Variants in C9 observed in about 807,000 individuals in gnomAD.
C9 encodes complement C9, also known as complement component C9.
A neutral mutation model predicts 65.4 loss-of-function variants in C9; 63 were observed. The ratio of observed to expected loss-of-function variants is 0.96; its 90% CI spans 0.79 to 1.19. The LOEUF (loss-of-function observed/expected upper bound fraction) is 1.19, where lower values mean the gene tolerates loss of function less well. C9 is among the 50% of genes most tolerant of loss of function. The probability of loss-of-function intolerance (pLI) is 0.00; values close to 1 mark genes in which losing one functional copy is unlikely to be tolerated. For missense variants in C9, 744 were observed against 670.1 expected (o/e 1.11, Z -1.22); for synonymous variants, 229 against 227.9 (o/e 1.00, Z -0.04).
At chr5:39,357,782 T>C (rs1005162482) in intron 1 of C9, among the ~76,000 whole-genome samples, 2 of 152,186 alleles carry the variant, frequency 1.3e-5, no homozygotes, top group Non-Finnish European at 2.9e-5. Flanking sequence ...TTATGTGTGC[T>C]TCTATTGAAG....
intron 1 of C9, among the ~76,000 whole-genome samples, chr5:39,359,713 C>T (rs1030449212): frequency 2.6e-5 from 4 of 152,196 alleles, no homozygotes; most frequent in African/African-American, 9.7e-5. Flanking sequence ...ACTGGTGAAG[C>T]TTCACAGGAG....
intron 5 of C9, among the ~76,000 whole-genome samples, chr5:39,328,071 A>G (rs1753782134): frequency 6.6e-6 from 1 of 152,186 alleles, no homozygotes; most frequent in African/African-American, 2.4e-5. Context: ...GGAAGGAAAA[A>G]GAGGGAAAGG....
At chr5:39,317,418 A>G (rs940924888) in intron 5 of C9, among the ~76,000 whole-genome samples, 2 of 152,158 alleles carry the variant, frequency 1.3e-5, no homozygotes, top group Non-Finnish European at 2.9e-5. Flanking sequence ...ATCTTTGCCC[A>G]TGCCTGTGTC....
At chr5:39,316,095 A>G in intron 5 of C9, 66 bp from the exon 6 acceptor site, 1 of 1,325,994 alleles carries the variant, frequency 7.5e-7, no homozygotes, top group Non-Finnish European at 1.1e-6. Context: ...CAAGCAGAAC[A>G]GAACCAAAGA....
At chr5:39,297,796 G>C (rs1753211550) in intron 9 of C9, among the ~76,000 whole-genome samples, 1 of 151,618 alleles carries the variant, frequency 6.6e-6, no homozygotes, top group Admixed American at 6.6e-5. Flanking sequence ...AATTGAAAGA[G>C]TAAGGGCACA....
chr5:39,296,058 C>T (rs1753179915), intron 9 of C9, among the ~76,000 whole-genome samples: 1 of 151,610 alleles, frequency 6.6e-6, no homozygotes, highest in Non-Finnish European at 1.5e-5. Flanking sequence ...TATTGTAAGA[C>T]CTAAAACTAT....
intron 1 of C9, among the ~76,000 whole-genome samples, chr5:39,351,947 T>C (rs1385049698): frequency 1.3e-5 from 2 of 152,200 alleles, no homozygotes; most frequent in Non-Finnish European, 2.9e-5. Flanking sequence ...ATTAGTCTGT[T>C]CTCACATGGC....
intron 5 of C9, 82 bp from the exon 6 acceptor site, chr5:39,316,111 C>A: frequency 8.3e-7 from 1 of 1,203,912 alleles, no homozygotes; most frequent in South Asian, 1.4e-5. Flanking sequence ...AAAGAGAAGT[C>A]AAACAATTCT....
Position 39,359,048 on chromosome 5 carries a change from G to A in C9, c.77+5340C>T, listed in dbSNP as rs835700. On this transcript the variant is annotated intron_variant, in intron 1 of 10. Transcript: ENST00000263408. ...TATATATATATATATGTGTGTGTGT[G>A]TATATATATGTGTATATATATATGT... 3.5e-3 allele frequency among the ~76,000 whole-genome samples: 488 copies of A among 140,268 alleles called. 4 individuals carry two copies. Among genetic ancestry groups the A allele is most frequent in the African/African-American group, 0.012 (466 of 37,880 alleles). The allele number at this position is 140,268 out of a possible 152,430, so 92.0% of individuals were successfully genotyped here. A position where few individuals can be genotyped will look rare whatever the true frequency, so the allele number is the denominator to read the frequency against.
rs572317187 is a variant in C9 at position 39,342,774 on chromosome 5, T to C, written c.78-578A>G. Among the ~76,000 whole-genome samples, 3 of 152,322 alleles carry C rather than the reference T, an allele frequency of 2.0e-5. No individual in the cohort carries two copies. The South Asian group carries it at 6.2e-4, about 32-fold the overall frequency. On this transcript the variant is annotated intron_variant, in intron 1 of 10. Coordinates refer to ENST00000263408, the MANE Select transcript of C9 (RefSeq NM_001737.5). ...CACACTTCACTTCAGGACTTATTCC[T>C]GATCTTTCTGAGTTTTAACATCATA...
intron 9 of C9, among the ~76,000 whole-genome samples, chr5:39,291,438 G>C (rs1028125586): frequency 6.6e-6 from 1 of 151,840 alleles, no homozygotes; most frequent in African/African-American, 2.4e-5. Flanking sequence ...AAGTGATAGT[G>C]TGGGAAGGGA....
intron 9 of C9, among the ~76,000 whole-genome samples, chr5:39,303,216 C>A (rs1753312488): frequency 6.6e-6 from 1 of 152,050 alleles, no homozygotes; most frequent in Non-Finnish European, 1.5e-5. Context: ...ACTGTAGAAC[C>A]ACTTGTGTTA....
intron 9 of C9, among the ~76,000 whole-genome samples, chr5:39,289,168 T>C (rs972917521): frequency 2.6e-5 from 4 of 151,828 alleles, no homozygotes; most frequent in South Asian, 4.2e-4. Flanking sequence ...GAGGCTGATA[T>C]TAATAAAATA....
chr5:39,329,996 G>A (rs1244249893), intron 5 of C9, among the ~76,000 whole-genome samples: 1 of 152,172 alleles, frequency 6.6e-6, no homozygotes, highest in South Asian at 2.1e-4. Context: ...GAGCAGCAAC[G>A]GAGTGATGTG....
At chr5:39,291,261 GA>G (rs5867454) in intron 9 of C9, among the ~76,000 whole-genome samples, 60,220 of 151,128 alleles carry the variant, frequency 0.4, 13,338 homozygotes, top group Middle Eastern at 0.59. Context: ...AAATAGATTT[GA>G]AAAAAAGAAA....
chr5:39,348,006 T>C (rs1754243637), intron 1 of C9, among the ~76,000 whole-genome samples: 2 of 147,348 alleles, frequency 1.4e-5, no homozygotes, highest in African/African-American at 5.0e-5. Context: ...TTATATCTTA[T>C]ACAAAAATTA....
At chr5:39,322,360 A>G (rs966016064) in intron 5 of C9, among the ~76,000 whole-genome samples, 4 of 152,064 alleles carry the variant, frequency 2.6e-5, no homozygotes, top group African/African-American at 9.6e-5. Context: ...AAAAGTTTAC[A>G]GTAATAAATG....
chr5:39,287,671 G>T (rs1753015457), intron 10 of C9, among the ~76,000 whole-genome samples: 1 of 151,916 alleles, frequency 6.6e-6, no homozygotes, highest in Non-Finnish European at 1.5e-5. Flanking sequence ...ATGTCTTTTG[G>T]AGCAACATGG....
intron 6 of C9, among the ~76,000 whole-genome samples, chr5:39,314,717 T>C (rs1226004906): frequency 2.0e-5 from 3 of 152,154 alleles, no homozygotes; most frequent in Non-Finnish European, 2.9e-5. Context: ...TCTCCTCTCC[T>C]CCAAAGCTTT....
Sources: allele counts gnomAD v4.1 joint callset (sites outside exome capture counted in the v4.1 genomes callset), GRCh38; gene constraint gnomAD v4.1.1; transcripts MANE v1.5; gene names NCBI Gene and HGNC (gene_info 2026-07-23, HGNC 2026-07-21).